PRKCE: variants seen among roughly 807,000 people sequenced by gnomAD.
PRKCE encodes the protein protein kinase C epsilon.
PRKCE carries 16 observed loss-of-function variants against 85.4 expected under a neutral mutation model. The observed-to-expected ratio is 0.19, with a 90% CI of 0.13 to 0.28. The LOEUF is 0.28. Ranked by LOEUF, PRKCE falls within the 10% of genes least tolerant of loss-of-function variation. The probability of loss-of-function intolerance (pLI) is 1.00; values close to 1 mark genes in which losing one functional copy is unlikely to be tolerated. For missense variants in PRKCE, 573 were observed against 975.2 expected (o/e 0.59, Z 5.49); for synonymous variants, 388 against 371.5 (o/e 1.04, Z -0.51).
At chr2:46,005,551 G>A (rs750222293) in intron 8 of PRKCE, among the ~76,000 whole-genome samples, 1 of 152,122 alleles carries the variant, frequency 6.6e-6, no homozygotes, top group Non-Finnish European at 1.5e-5. Context: ...GTGTGGAAAA[G>A]TTCTGTCCCA....
chr2:45,904,444 G>A (rs1696819358), intron 2 of PRKCE, among the ~76,000 whole-genome samples: 1 of 152,108 alleles, frequency 6.6e-6, no homozygotes, highest in African/African-American at 2.4e-5. Context: ...TTGTAATGGA[G>A]AACACAGACT....
intron 11 of PRKCE, among the ~76,000 whole-genome samples, chr2:46,142,060 G>A (rs1675595244): frequency 2.0e-5 from 3 of 152,152 alleles, no homozygotes; most frequent in African/African-American, 7.2e-5. Flanking sequence ...ATGAGGAGTG[G>A]AAATTCAGAG....
intron 11 of PRKCE, among the ~76,000 whole-genome samples, chr2:46,103,556 GGAGT>G (rs1248612276): frequency 6.6e-6 from 1 of 152,054 alleles, no homozygotes; most frequent in East Asian, 1.9e-4. Context: ...GAAAAACATG[GGAGT>G]GAGTGAGCAA....
Position 46,004,123 on chromosome 2 carries a change from G to C in PRKCE, c.967-419G>C, listed in dbSNP as rs544051484. The C allele has an allele frequency of 7.4e-6, 2 of 270,324 alleles. No homozygotes were observed. Among genetic ancestry groups the C allele is most frequent in the Non-Finnish European group, 1.5e-5 (2 of 137,110 alleles). 16.7% of individuals were successfully genotyped at this position (270,324 alleles called of 1,614,324 possible). On this transcript the variant is annotated intron_variant, in intron 7 of 14. Coordinates refer to ENST00000306156, the MANE Select transcript of PRKCE (RefSeq NM_005400.3). This position sits in a 1 kb window ranked among gnomAD's most constrained non-coding sequence, Gnocchi z 4.1. The stretch of plus-strand genomic sequence containing the variant: ...AGTTGAACATTAGCCTTTTCCTGCT[G>C]TACCCGTCCAATGTAGATGATGTAT...
At chr2:45,705,867 T>G (rs989076018) in intron 1 of PRKCE, among the ~76,000 whole-genome samples, 1 of 152,214 alleles carries the variant, frequency 6.6e-6, no homozygotes, top group African/African-American at 2.4e-5. Flanking sequence ...GTTTGTCCAG[T>G]GCAGTGGCTG....
At chr2:45,796,967 G>A (rs1461160778) in intron 1 of PRKCE, among the ~76,000 whole-genome samples, 1 of 152,172 alleles carries the variant, frequency 6.6e-6, no homozygotes, top group East Asian at 1.9e-4. Context: ...GCTCAGAACA[G>A]TTAAGACATC....
At chr2:45,656,542 C>G (rs1675387875) in intron 1 of PRKCE, among the ~76,000 whole-genome samples, 1 of 152,166 alleles carries the variant, frequency 6.6e-6, no homozygotes, top group Non-Finnish European at 1.5e-5. Context: ...AACACTATTG[C>G]TATAGCTGGG....
At chr2:46,135,977 C>T (rs1179973078) in intron 11 of PRKCE, among the ~76,000 whole-genome samples, 1 of 151,732 alleles carries the variant, frequency 6.6e-6, no homozygotes, top group Non-Finnish European at 1.5e-5. Flanking sequence ...TATGAAGGTG[C>T]TGGTACCATC....
chr2:45,892,371 C>G (rs1406644673), intron 2 of PRKCE, among the ~76,000 whole-genome samples: 5 of 152,136 alleles, frequency 3.3e-5, no homozygotes, highest in Admixed American at 6.5e-5. Flanking sequence ...GCTGGATGAA[C>G]GGGGCTCACT....
intron 14 of PRKCE, among the ~76,000 whole-genome samples, chr2:46,165,303 A>G (rs1678228076): frequency 6.6e-6 from 1 of 152,150 alleles, no homozygotes; most frequent in African/African-American, 2.4e-5. Context: ...CACCCACATA[A>G]TGAACTGAGT....
intron 1 of PRKCE, among the ~76,000 whole-genome samples, chr2:45,728,746 A>G (rs543876272): frequency 6.6e-6 from 1 of 152,262 alleles, no homozygotes; most frequent in East Asian, 1.9e-4. Flanking sequence ...AACAGCTGCT[A>G]ATTATTGAGG....
At chr2:45,734,462 C>T (rs1259061662) in intron 1 of PRKCE, among the ~76,000 whole-genome samples, 1 of 152,182 alleles carries the variant, frequency 6.6e-6, no homozygotes, top group African/African-American at 2.4e-5. Context: ...ACAGTATACT[C>T]ATCCATGTAA....
At chr2:45,843,787 C>T (rs1206388545) in intron 2 of PRKCE, among the ~76,000 whole-genome samples, 4 of 152,152 alleles carry the variant, frequency 2.6e-5, no homozygotes, top group Non-Finnish European at 5.9e-5. Flanking sequence ...ATTTGGAATT[C>T]GGACTGAAAT....
intron 14 of PRKCE, among the ~76,000 whole-genome samples, chr2:46,165,609 T>G (rs1449344049): frequency 6.6e-6 from 1 of 152,230 alleles, no homozygotes; most frequent in Non-Finnish European, 1.5e-5. Context: ...ACATTTCGCT[T>G]TTGTGTTACT....
chr2:46,064,078 T>G (rs1399145897), intron 10 of PRKCE, among the ~76,000 whole-genome samples: 1 of 151,954 alleles, frequency 6.6e-6, no homozygotes, highest in Non-Finnish European at 1.5e-5. Context: ...GGTCAGGAGT[T>G]CAAGACCAGC....
At chr2:45,694,522 T>TTA (rs1416235271) in intron 1 of PRKCE, among the ~76,000 whole-genome samples, 3 of 152,214 alleles carry the variant, frequency 2.0e-5, no homozygotes, top group Non-Finnish European at 4.4e-5. Context: ...TTCATGGAAC[T>TTA]TATGTGGGAC....
At chr2:45,779,368 C>T (rs1408267010) in intron 1 of PRKCE, among the ~76,000 whole-genome samples, 1 of 151,986 alleles carries the variant, frequency 6.6e-6, no homozygotes, top group African/African-American at 2.4e-5. Flanking sequence ...GAATGTTTGG[C>T]GGATGAAGGC....
intron 1 of PRKCE, among the ~76,000 whole-genome samples, chr2:45,790,779 T>A (rs1686971994): frequency 6.6e-6 from 1 of 152,246 alleles, no homozygotes; most frequent in Non-Finnish European, 1.5e-5. Flanking sequence ...TGAATACACT[T>A]TGTATCTGTT....
intron 2 of PRKCE, among the ~76,000 whole-genome samples, chr2:45,883,996 G>A (rs925527219): frequency 6.6e-6 from 1 of 152,186 alleles, no homozygotes; most frequent in Non-Finnish European, 1.5e-5. Flanking sequence ...GCCTTCTGGG[G>A]CACAGAGCTG....
Sources: allele counts gnomAD v4.1 joint callset (sites outside exome capture counted in the v4.1 genomes callset), GRCh38; gene constraint gnomAD v4.1.1; non-coding constraint Gnocchi (gnomAD v3.1); transcripts MANE v1.5; gene names NCBI Gene and HGNC (gene_info 2026-07-23, HGNC 2026-07-21).